Variants in ALG14 observed in about 807,000 individuals in gnomAD.
ALG14 encodes ALG14 UDP-N-acetylglucosaminyltransferase subunit.
In ALG14, 17 loss-of-function variants were observed where a neutral mutation model predicts 22.8. The observed-to-expected ratio is 0.75, with a 90% CI of 0.51 to 1.12. The LOEUF is 1.12. Among genes scored for constraint, ALG14 ranks in the 50% most tolerant of loss-of-function variants. The pLI is 0.00. For missense variants in ALG14, 288 were observed against 271.8 expected (o/e 1.06, Z -0.42); for synonymous variants, 89 against 103.7 (o/e 0.86, Z 0.86).
chr1:94,986,124 C>G (rs138231301), intron 3 of ALG14, among the ~76,000 whole-genome samples: 33 of 152,334 alleles, frequency 2.2e-4, no homozygotes, highest in African/African-American at 7.7e-4. Context: ...ATGATTGGAA[C>G]TGTCTTTTTA....
chr1:95,064,836 A>G (rs1464804564), intron 2 of ALG14, 30 bp downstream of exon 2: 1 of 1,594,656 alleles, frequency 6.3e-7, no homozygotes, highest in Non-Finnish European at 8.6e-7. Flanking sequence ...GCAACTTGTA[A>G]TTTTCTTAGA....
chr1:95,066,327 G>A lies in ALG14; in HGVS notation c.137-1310C>T, dbSNP rs539263682. ...CAACCTCCACCTCCCAGGTTCAGGC[G>A]ACTCTCCTGCCTCAGCCTCCCGAGT... On this transcript the variant is annotated intron_variant, in intron 1 of 3. Transcript: ENST00000370205. Among the ~76,000 whole-genome samples, 10 of 151,994 alleles carry A rather than the reference G, an allele frequency of 6.6e-5. No individual in the cohort carries two copies. In the East Asian group the frequency reaches 1.9e-3, roughly 30 times the overall value.
At chr1:95,024,923 C>A (rs1016226188) in intron 3 of ALG14, among the ~76,000 whole-genome samples, 3 of 152,182 alleles carry the variant, frequency 2.0e-5, no homozygotes, top group Admixed American at 6.5e-5. Context: ...TTATGGACAT[C>A]TTCCCATAAA....
chr1:95,013,116 A>T (rs75056769), intron 3 of ALG14, among the ~76,000 whole-genome samples: 7 of 138,742 alleles, frequency 5.0e-5, no homozygotes, highest in African/African-American at 1.3e-4. Context: ...TGTCTCAATT[A>T]AAAAAAAAAA....
intron 3 of ALG14, among the ~76,000 whole-genome samples, chr1:94,988,095 C>T (rs72964559): frequency 0.019 from 2,899 of 152,254 alleles, 104 homozygotes; most frequent in African/African-American, 0.067. Context: ...TGGGCTGGCT[C>T]GGGTAGGTAG....
At chr1:94,993,786 G>A (rs1263437206) in intron 3 of ALG14, among the ~76,000 whole-genome samples, 1 of 152,176 alleles carries the variant, frequency 6.6e-6, no homozygotes, top group Non-Finnish European at 1.5e-5. Context: ...TTTGGGCTAA[G>A]CTATAAGCAG....
intron 3 of ALG14, among the ~76,000 whole-genome samples, chr1:95,016,646 G>T (rs866442518): frequency 1.1e-4 from 17 of 152,076 alleles, no homozygotes; most frequent in African/African-American, 3.6e-4. Flanking sequence ...AGTGACAGCA[G>T]GTTTATCTCA....
intron 2 of ALG14, among the ~76,000 whole-genome samples, chr1:95,062,510 T>C (rs1675200806): frequency 6.6e-6 from 1 of 152,076 alleles, no homozygotes; most frequent in Non-Finnish European, 1.5e-5. Context: ...CCATGTATTC[T>C]CATTGTTCAG....
chr1:95,071,823 T>C (rs765559967), intron 1 of ALG14, among the ~76,000 whole-genome samples: 1 of 152,248 alleles, frequency 6.6e-6, no homozygotes, highest in Admixed American at 6.5e-5. Context: ...CATAGCAATT[T>C]GTACTTCTTA....
chr1:95,012,330 G>C lies in ALG14; in HGVS notation c.420+14799C>G, dbSNP rs371545934. 2.0e-5 allele frequency among the ~76,000 whole-genome samples: 3 copies of C among 152,244 alleles called. No homozygotes were observed. The East Asian group carries it at 5.8e-4, about 29-fold the overall frequency. The stretch of plus-strand genomic sequence containing the variant: ...ATGAACTTCTACTAAATATCATTTG[G>C]ATCTTTTCGTGGATGTCACAGTAAC... On this transcript the variant is annotated intron_variant, in intron 3 of 3. Transcript: ENST00000370205.
rs150320108 is a variant in ALG14 at position 95,021,280 on chromosome 1, C to T, written c.420+5849G>A. Among the ~76,000 whole-genome samples the T allele has an allele frequency of 7.5e-3, 1,149 of 152,264 alleles. 11 individuals carry two copies. Among genetic ancestry groups the T allele is most frequent in the African/African-American group, 0.026 (1,066 of 41,552 alleles). ...ATTTATTGAACTCCTACATGCCCCA[C>T]GCTCTAGAATAGGTGCTAGCACTGC... On this transcript the variant is annotated intron_variant, in intron 3 of 3. Transcript: ENST00000370205.
intron 3 of ALG14, among the ~76,000 whole-genome samples, 170 bp downstream of exon 3, chr1:95,026,959 C>T (rs929918748): frequency 1.3e-5 from 2 of 152,210 alleles, no homozygotes; most frequent in Non-Finnish European, 2.9e-5. Flanking sequence ...TTATTTCTTA[C>T]AGTTCTGGAG....
intron 2 of ALG14, among the ~76,000 whole-genome samples, chr1:95,029,248 TA>T (rs1276182627): frequency 1.2e-4 from 18 of 152,194 alleles, no homozygotes; most frequent in African/African-American, 3.9e-4. Context: ...TTGGTGTCCT[TA>T]GTTCCTTGCC....
rs1050499608 is a variant in ALG14 at position 94,983,094 on chromosome 1, G to A, written c.633C>T (p.Tyr211=). ...CCATTTGTCAAACAATTCGCCCAAG[G>A]TACACCGATTTGGGATACTTTTCTT... The part of the protein sequence containing the change: ...ALKEKYPKSV[Y]LGRIV The change falls in exon 4 of 4, where the codon TAC becomes TAT. Residue 211 remains tyrosine, a synonymous_variant. Transcript: ENST00000370205. 5.0e-6 allele frequency: 8 copies of A among 1,614,016 alleles called. No individual in the cohort carries two copies. The highest frequency in any genetic ancestry group is 1.6e-4 in the Middle Eastern group (1 of 6,062).
At chr1:94,999,353 T>A (rs1672999162) in intron 3 of ALG14, among the ~76,000 whole-genome samples, 1 of 149,376 alleles carries the variant, frequency 6.7e-6, no homozygotes, top group Non-Finnish European at 1.5e-5. Context: ...ATTTTTTTTT[T>A]TTTTTTTTTT....
In ALG14 at chr1:95,064,856, T is replaced by C. The variant is rs1039711130; in HGVS notation, c.288+10A>G. 3.1e-6 allele frequency: 5 copies of C among 1,600,316 alleles called. No homozygotes were observed. In the African/African-American group the frequency reaches 6.7e-5, roughly 21 times the overall value. ...TTGTAATTTTCTTAGAAATAGAAATTGTCACTTACCATGTTACTAGGGTCT... is the reference window on the plus strand; with the variant it reads ...TTGTAATTTTCTTAGAAATAGAAATCGTCACTTACCATGTTACTAGGGTCT... On this transcript the variant is annotated intron_variant, in intron 2 of 3. Transcript: ENST00000370205.
intron 2 of ALG14, among the ~76,000 whole-genome samples, chr1:95,030,178 G>C (rs988995863): frequency 1.3e-5 from 2 of 152,102 alleles, no homozygotes; most frequent in Non-Finnish European, 2.9e-5. Context: ...TGAAGTTTGG[G>C]AAAGAAATAA....
chr1:95,049,900 T>A (rs1674689803), intron 2 of ALG14, among the ~76,000 whole-genome samples: 1 of 152,096 alleles, frequency 6.6e-6, no homozygotes, highest in South Asian at 2.1e-4. Context: ...AAAATAAAAT[T>A]TTTTTCTACA....
intron 1 of ALG14, among the ~76,000 whole-genome samples, chr1:95,069,896 G>T (rs558508155): frequency 6.6e-6 from 1 of 151,964 alleles, no homozygotes; most frequent in East Asian, 1.9e-4. Flanking sequence ...TGTAAAAACT[G>T]GCCATAAAGA....
Sources: allele counts gnomAD v4.1 joint callset (sites outside exome capture counted in the v4.1 genomes callset), GRCh38; gene constraint gnomAD v4.1.1; transcripts MANE v1.5; gene names NCBI Gene and HGNC (gene_info 2026-07-23, HGNC 2026-07-21).